PKP1: variants seen among roughly 807,000 people sequenced by gnomAD.
The protein encoded by PKP1 is plakophilin-1.
In PKP1, 27 loss-of-function variants were observed where a neutral mutation model predicts 76.4. That is an observed-to-expected ratio of 0.35 (90% CI 0.26 to 0.49). PKP1 has a LOEUF of 0.49. PKP1 is among the 20% of genes least tolerant of loss of function. The probability of loss-of-function intolerance (pLI) is 0.99; values close to 1 mark genes in which losing one functional copy is unlikely to be tolerated. For missense variants in PKP1, 964 were observed against 955.2 expected (o/e 1.01, Z -0.12); for synonymous variants, 404 against 384.2 (o/e 1.05, Z -0.60).
At chr1:201,295,147 A>T (rs1003839511) in intron 2 of PKP1, among the ~76,000 whole-genome samples, 2 of 152,092 alleles carry the variant, frequency 1.3e-5, no homozygotes, top group Non-Finnish European at 2.9e-5. Flanking sequence ...GATGTCTCAC[A>T]GATATCACTC....
At chr1:201,305,516 GCAAA>G (rs990163994) in intron 2 of PKP1, among the ~76,000 whole-genome samples, 17 of 152,218 alleles carry the variant, frequency 1.1e-4, no homozygotes, top group African/African-American at 2.4e-5. Context: ...TCTTAAACAA[GCAAA>G]CAAACAAAAA....
At chr1:201,328,140 C>A (rs1224988717) in intron 12 of PKP1, among the ~76,000 whole-genome samples, 1 of 152,186 alleles carries the variant, frequency 6.6e-6, no homozygotes, top group Non-Finnish European at 1.5e-5. Context: ...TTGCTGCATT[C>A]AAATCATGCT....
intron 12 of PKP1, among the ~76,000 whole-genome samples, chr1:201,327,378 G>C (rs150228879): frequency 6.6e-5 from 10 of 152,274 alleles, no homozygotes; most frequent in African/African-American, 2.4e-4. Flanking sequence ...ATGAACGCAC[G>C]GTGTCCAAAG....
intron 2 of PKP1, among the ~76,000 whole-genome samples, chr1:201,298,870 A>G (rs544589500): frequency 6.6e-6 from 1 of 152,264 alleles, no homozygotes; most frequent in East Asian, 1.9e-4. Flanking sequence ...CCCTAAGGAG[A>G]ACTGATCTTG....
chr1:201,293,888 G>A (rs1655998067), intron 1 of PKP1, 54 bp from the exon 2 acceptor site: 3 of 1,168,746 alleles, frequency 2.6e-6, no homozygotes, highest in South Asian at 2.6e-5. Context: ...TGAGGAACAG[G>A]GGTGGATGAA....
At position 201,324,498 on chromosome 1, in the gene PKP1, A is replaced by G. The variant is rs1657048432; in HGVS notation, c.1751A>G (p.Gln584Arg). ...CTGCCACAAATTGCCCGCCTCCTGC[A>G]ATCTGGCAACTCTGATGTGGTGCGG... The part of the protein sequence containing the change: ...KGLPQIARLL[Q>R]SGNSDVVRSG... Residue 584 changes from glutamine (Q) to arginine (R), a missense_variant, in exon 10 of 14, where the codon CAA becomes CGA. Physicochemically the swap from Gln to Arg is conservative, Grantham distance 43. Coordinates refer to ENST00000367324, the MANE Select transcript of PKP1 (RefSeq NM_001005337.3). 1 of 1,614,180 alleles carries G rather than the reference A, an allele frequency of 6.2e-7. No individual in the cohort carries two copies. Among genetic ancestry groups the G allele is most frequent in the Non-Finnish European group, 8.5e-7 (1 of 1,180,022 alleles).
chr1:201,302,892 C>A (rs144046533), intron 2 of PKP1, among the ~76,000 whole-genome samples: 12 of 152,164 alleles, frequency 7.9e-5, no homozygotes, highest in Non-Finnish European at 1.6e-4. Context: ...TCAGAAGAAG[C>A]CTTACAGGGC....
intron 8 of PKP1, 48 bp downstream of exon 8, chr1:201,322,181 C>G (rs748634004): frequency 2.1e-5 from 33 of 1,590,940 alleles, no homozygotes; most frequent in African/African-American, 4.0e-5. Flanking sequence ...AAGCACCCCC[C>G]CAGGAGCCAC....
At position 201,331,008 on chromosome 1, in the gene PKP1, T is replaced by A. The variant is rs1431872817; in HGVS notation, c.*967T>A. 1 of 152,194 alleles carries A rather than the reference T, an allele frequency of 6.6e-6. No homozygotes were observed. The highest frequency in any genetic ancestry group is 2.4e-5 in the African/African-American group (1 of 41,436). The allele number at this position is 152,194 out of a possible 1,614,324, so 9.4% of individuals were successfully genotyped here. ...TTTATTGCAGCTCTTTCCCAAGAGC[T>A]GTTCTGGGAATGGCTGGTCTTCATA... is the stretch of plus-strand genomic sequence containing the variant. On this transcript the variant is annotated 3_prime_UTR_variant, in exon 14 of 14. Coordinates refer to ENST00000367324, the MANE Select transcript of PKP1 (RefSeq NM_001005337.3).
chr1:201,317,241 A>G (rs1357888414), intron 4 of PKP1, among the ~76,000 whole-genome samples: 1 of 152,102 alleles, frequency 6.6e-6, no homozygotes, highest in Non-Finnish European at 1.5e-5. Flanking sequence ...GGGTTTTGAA[A>G]TGTATTTACA....
intron 2 of PKP1, among the ~76,000 whole-genome samples, chr1:201,294,294 A>T (rs1029213191): frequency 6.6e-6 from 1 of 152,218 alleles, no homozygotes; most frequent in Admixed American, 6.5e-5. Flanking sequence ...TTTAAAAGGC[A>T]TTTAAAAACA....
Position 201,322,028 on chromosome 1 carries a change from C to T in PKP1, c.1398C>T (p.Asp466=), listed in dbSNP as rs149333889. The change falls in exon 8 of 14, where the codon GAC becomes GAT. Residue 466 remains aspartate, a synonymous_variant. Transcript: ENST00000367324. ...CVLHNLSYRL[D]AEVPTRYRQL... ...TGCACAACCTCTCCTACCGCCTGGA[C>T]GCCGAGGTGCCCACCCGCTACCGCC... is the stretch of plus-strand genomic sequence containing the variant. 155 of 1,613,928 alleles carry T rather than the reference C, an allele frequency of 9.6e-5. No homozygotes were observed. The highest frequency in any genetic ancestry group is 1.1e-4 in the Non-Finnish European group (131 of 1,180,022).
At chr1:201,320,654 G>A (rs1375313847) in intron 7 of PKP1, among the ~76,000 whole-genome samples, 1 of 152,244 alleles carries the variant, frequency 6.6e-6, no homozygotes, top group African/African-American at 2.4e-5. Flanking sequence ...CTAATGGAAA[G>A]GGTCATAATC....
At chr1:201,320,917 C>G (rs1656919612) in intron 7 of PKP1, among the ~76,000 whole-genome samples, 2 of 152,166 alleles carry the variant, frequency 1.3e-5, no homozygotes, top group Admixed American at 1.3e-4. Context: ...CCCAGAAAAG[C>G]CATTGGCAGT....
intron 12 of PKP1, among the ~76,000 whole-genome samples, chr1:201,327,657 C>T (rs761857772): frequency 7.2e-5 from 11 of 152,108 alleles, no homozygotes; most frequent in East Asian, 3.9e-4. Context: ...ACATCGCTCT[C>T]GGTGGGAATT....
intron 2 of PKP1, among the ~76,000 whole-genome samples, chr1:201,303,969 T>G (rs1266357901): frequency 1.3e-5 from 2 of 152,204 alleles, no homozygotes; most frequent in Non-Finnish European, 2.9e-5. Context: ...GAACACTTTT[T>G]TAACTGGCAC....
chr1:201,324,469 G>A lies in PKP1; in HGVS notation c.1722G>A (p.Lys574=), dbSNP rs1657046928. ...GCCAGTTGATTGGGCTGAAGGAAAAGGGCCTGCCACAAATTGCCCGCCTCC... is the reference window on the plus strand; with the variant it reads ...GCCAGTTGATTGGGCTGAAGGAAAAAGGCCTGCCACAAATTGCCCGCCTCC... ...GMSQLIGLKE[K]GLPQIARLLQ... The change falls in exon 10 of 14, where the codon AAG becomes AAA. Residue 574 remains lysine (K), a synonymous_variant. Coordinates refer to ENST00000367324, the MANE Select transcript of PKP1 (RefSeq NM_001005337.3). 1.2e-6 allele frequency: 2 copies of A among 1,614,048 alleles called. No homozygotes were observed. The highest frequency in any genetic ancestry group is 1.3e-5 in the African/African-American group (1 of 74,934).
At chr1:201,314,190 C>T (rs899392230) in intron 3 of PKP1, among the ~76,000 whole-genome samples, 2 of 152,274 alleles carry the variant, frequency 1.3e-5, no homozygotes, top group Admixed American at 6.5e-5. Context: ...TGGTGGCTCA[C>T]GCCTGTAATC....
intron 2 of PKP1, among the ~76,000 whole-genome samples, chr1:201,296,411 C>G (rs1656070786): frequency 6.6e-6 from 1 of 152,294 alleles, no homozygotes; most frequent in Non-Finnish European, 1.5e-5. Flanking sequence ...TTATTCCTCC[C>G]CTCTGGTGAA....
Sources: allele counts gnomAD v4.1 joint callset (sites outside exome capture counted in the v4.1 genomes callset), GRCh38; gene constraint gnomAD v4.1.1; transcripts MANE v1.5; gene names NCBI Gene and HGNC (gene_info 2026-07-23, HGNC 2026-07-21).